Variants in RDM1 observed in about 807,000 individuals in gnomAD.
RDM1 encodes the protein RAD52 motif containing 1.
Under a neutral mutation model 27.7 loss-of-function variants are expected in RDM1, and 28 were observed. The ratio of observed to expected loss-of-function variants is 1.01; its 90% CI spans 0.75 to 1.39. The LOEUF is 1.39. Ranked by LOEUF, RDM1 falls within the 40% of genes most tolerant of loss-of-function variation. The pLI, the probability that RDM1 is intolerant of heterozygous loss-of-function variation, is 0.00. For synonymous variants in RDM1, 124 were observed against 127.5 expected (o/e 0.97, Z 0.19); for missense variants, 277 against 337.3 (o/e 0.82, Z 1.40).
Position 35,918,273 on chromosome 17 carries a change from C to T in RDM1, c.*69G>A, listed in dbSNP as rs553780460. The T allele has an allele frequency of 4.5e-6, 6 of 1,346,750 alleles. No homozygotes were observed. Among genetic ancestry groups the T allele is most frequent in the South Asian group, 2.4e-5 (2 of 83,974 alleles). 83.4% of individuals were successfully genotyped at this position (1,346,750 alleles called of 1,614,324 possible). On this transcript the variant is annotated 3_prime_UTR_variant, in exon 7 of 7. Transcript: ENST00000620284. ...CCAGCAGCCTATAGTGGTGGGGCGG[C>T]GTGGGGTAGGGGCACGACAGAGCTT...
intron 6 of RDM1, 63 bp downstream of exon 6, chr17:35,920,121 ATGC>A (rs1447310261): frequency 8.8e-6 from 7 of 793,924 alleles, no homozygotes; most frequent in Non-Finnish European, 1.5e-5. Flanking sequence ...CCTCCAAATT[ATGC>A]TGCTTTTTTT....
chr17:35,930,130 G>A lies in RDM1; in HGVS notation c.222C>T (p.His74=), dbSNP rs929402618. 6.2e-7 allele frequency: 1 copy of A among 1,614,210 alleles called. No homozygotes were observed. Among genetic ancestry groups the A allele is most frequent in the African/African-American group, 1.3e-5 (1 of 75,050 alleles). Reference sequence around the variant, plus strand: ...TCCGGTCGCATGCCTTTTGGGCTCTGTGGGCAGCCCTTGCAGAATAAAACT... The same window carrying A: ...TCCGGTCGCATGCCTTTTGGGCTCTATGGGCAGCCCTTGCAGAATAAAACT... ...VIKFYSARAA[H]RAQKACDRKQ... is the part of the protein sequence containing the mutation. The change falls in exon 2 of 7, where the codon CAC becomes CAT. Residue 74 remains histidine (H), a synonymous_variant. Transcript: ENST00000620284.
rs1188278284 is a variant in RDM1 at position 35,918,313 on chromosome 17, A to G, written c.*29T>C. On this transcript the variant is annotated 3_prime_UTR_variant, in exon 7 of 7. Coordinates refer to ENST00000620284, the MANE Select transcript of RDM1 (RefSeq NM_145654.4). Reference sequence around the variant, plus strand: ...CGACAGAGCTTCCCAAGGAAGTTACATGACCTCGCCTTGGGATATTCAGAA... The same window carrying G: ...CGACAGAGCTTCCCAAGGAAGTTACGTGACCTCGCCTTGGGATATTCAGAA... The G allele has an allele frequency of 1.3e-6, 2 of 1,596,032 alleles. No individual in the cohort carries two copies. The highest frequency in any genetic ancestry group is 1.1e-5 in the South Asian group (1 of 90,584).
chr17:35,924,098 G>A (rs1216059706), intron 4 of RDM1, among the ~76,000 whole-genome samples: 1 of 151,984 alleles, frequency 6.6e-6, no homozygotes, highest in Non-Finnish European at 1.5e-5. Context: ...GTGCACGCCT[G>A]TAGTCCTCGC....
rs1188650795 is a variant in RDM1 at position 35,924,691 on chromosome 17, A to G, written c.481T>C (p.Cys161Arg). The stretch of plus-strand genomic sequence containing the variant: ...GATGGCAACACCACTTCTAAAGCAC[A>G]GAAGAACTTCAGGCTTTGCTTCGGA... The part of the protein sequence containing the change: ...PLPKQSLKFF[C>R]ALEVVLPSCD... The change falls in exon 4 of 7, where the codon TGT becomes CGT. Residue 161 changes from cysteine (C) to arginine (R), a missense_variant. By Grantham distance (180) the Cys-to-Arg change is radical (BLOSUM62 -3). Transcript: ENST00000620284. 6.2e-7 allele frequency: 1 copy of G among 1,614,096 alleles called. No homozygotes were observed. Among genetic ancestry groups the G allele is most frequent in the East Asian group, 2.2e-5 (1 of 44,900 alleles).
chr17:35,920,127 C>G, intron 6 of RDM1, 60 bp downstream of exon 6: 1 of 837,064 alleles, frequency 1.2e-6, no homozygotes. Context: ...AATTATGCTG[C>G]TTTTTTTTGA....
At chr17:35,925,988 G>T (rs1302562599) in intron 2 of RDM1, among the ~76,000 whole-genome samples, 1 of 152,054 alleles carries the variant, frequency 6.6e-6, no homozygotes, top group African/African-American at 2.4e-5. Flanking sequence ...CTAAAAATTA[G>T]CCAGGCATGG....
intron 5 of RDM1, chr17:35,922,287 C>T: frequency 2.7e-6 from 1 of 371,120 alleles, no homozygotes; most frequent in Non-Finnish European, 4.8e-6. Flanking sequence ...CTTATAATCA[C>T]TATTCTGTAT....
chr17:35,918,755 G>A (rs1047709739), intron 6 of RDM1, among the ~76,000 whole-genome samples: 1 of 152,208 alleles, frequency 6.6e-6, no homozygotes, highest in Non-Finnish European at 1.5e-5. Context: ...ACATGGAGAA[G>A]AGGCTTAGGT....
chr17:35,924,637 A>G lies in RDM1; in HGVS notation c.535T>C (p.Leu179=). ...ACCTTATCCATAGGCTCCTCCACCA[A>G]GCCAATGCCAGGACTCCTGCAATCA... ...SCDCRSPGIG[L]VEEPMDKVEE... The change falls in exon 4 of 7, where the codon TTG becomes CTG. Residue 179 remains leucine (L), a synonymous_variant. Coordinates refer to ENST00000620284, the MANE Select transcript of RDM1 (RefSeq NM_145654.4). The G allele has an allele frequency of 6.2e-7, 1 of 1,614,044 alleles. No individual in the cohort carries two copies. The highest frequency in any genetic ancestry group is 8.5e-7 in the Non-Finnish European group (1 of 1,179,946).
intron 4 of RDM1, among the ~76,000 whole-genome samples, chr17:35,924,275 C>T (rs982439011): frequency 1.3e-5 from 2 of 151,672 alleles, no homozygotes; most frequent in Non-Finnish European, 2.9e-5. Context: ...CTGGGATAAC[C>T]GAGAGCTACA....
chr17:35,923,383 C>T (rs907221883), intron 4 of RDM1, among the ~76,000 whole-genome samples: 1 of 142,986 alleles, frequency 7.0e-6, no homozygotes, highest in African/African-American at 2.6e-5. Flanking sequence ...AGGCTAGGCA[C>T]AGTGGCTCAT....
chr17:35,920,247 G>A lies in RDM1; in HGVS notation c.693C>T (p.Tyr231=). 3 of 1,589,962 alleles carry A rather than the reference G, an allele frequency of 1.9e-6. No homozygotes were observed. Among genetic ancestry groups the A allele is most frequent in the South Asian group, 2.3e-5 (2 of 88,724 alleles). Residue 231 remains tyrosine, a synonymous_variant, in exon 6 of 7, where the codon TAC becomes TAT. Coordinates refer to ENST00000620284, the MANE Select transcript of RDM1 (RefSeq NM_145654.4). ...VLESGKIAVE[Y]RPSEDIVGVR... ...CACCTACGATGTCTTCACTGGGTCTGTACTCCACAGCTATTTTACCACTTT... is the reference window on the plus strand; with the variant it reads ...CACCTACGATGTCTTCACTGGGTCTATACTCCACAGCTATTTTACCACTTT...
intron 4 of RDM1, among the ~76,000 whole-genome samples, chr17:35,923,879 T>TA (rs796131007): frequency 6.6e-6 from 1 of 151,568 alleles, no homozygotes; most frequent in African/African-American, 2.4e-5. Context: ...CTTTTATGAG[T>TA]AAAAAAAGGA....
chr17:35,924,099 T>C (rs1354532718), intron 4 of RDM1, among the ~76,000 whole-genome samples: 2 of 151,972 alleles, frequency 1.3e-5, no homozygotes, highest in Non-Finnish European at 2.9e-5. Context: ...TGCACGCCTG[T>C]AGTCCTCGCT....
Position 35,920,199 on chromosome 17 carries a change from G to A in RDM1, c.741C>T (p.His247=), listed in dbSNP as rs778251776. The change falls in exon 6 of 7, where the codon CAC becomes CAT. Residue 247 remains histidine, a synonymous_variant. Transcript: ENST00000620284. ...TATCTTCACATACTTGAATTAAACC[G>A]TGTAGTTCTTCTTCGCATCTGACAC... is the stretch of plus-strand genomic sequence containing the variant. ...IVGVRCEEEL[H]GLIQVPCSPW... The A allele has an allele frequency of 2.6e-5, 40 of 1,567,858 alleles. No individual in the cohort carries two copies. The highest frequency in any genetic ancestry group is 9.5e-5 in the African/African-American group (7 of 73,628).
intron 5 of RDM1, 71 bp downstream of exon 5, chr17:35,922,505 AT>A: frequency 1.3e-6 from 2 of 1,569,202 alleles, no homozygotes; most frequent in South Asian, 1.2e-5. Context: ...TTTTTATTCA[AT>A]TAACTTTTCA....
intron 6 of RDM1, among the ~76,000 whole-genome samples, chr17:35,919,287 A>C (rs908714636): frequency 6.6e-6 from 1 of 152,218 alleles, no homozygotes; most frequent in Non-Finnish European, 1.5e-5. Flanking sequence ...TTCAGAGATT[A>C]ATTTAGAAAC....
chr17:35,930,709 A>G lies in RDM1; in HGVS notation c.19T>C (p.Phe7Leu). The G allele has an allele frequency of 1.2e-6, 2 of 1,613,424 alleles. No individual in the cohort carries two copies. The highest frequency in any genetic ancestry group is 1.7e-6 in the Non-Finnish European group (2 of 1,179,814). ...TTGTCACTCTCGATGGGAACCGCAAAAGGTACCAACTCCGCCATCCTCCCT... is the reference window on the plus strand; with the variant it reads ...TTGTCACTCTCGATGGGAACCGCAAGAGGTACCAACTCCGCCATCCTCCCT... MAELVP[F>L]AVPIESDKTL... The change falls in exon 1 of 7, where the codon TTT (phenylalanine) becomes CTT (leucine). Residue 7 changes from phenylalanine (F) to leucine (L), a missense_variant. Transcript: ENST00000620284.
Sources: gnomAD v4.1 joint callset for allele counts (sites outside exome capture counted in the v4.1 genomes callset) on GRCh38, gnomAD v4.1.1 for gene constraint, MANE v1.5 for transcripts, NCBI Gene and HGNC (gene_info 2026-07-23, HGNC 2026-07-21) for gene names.